The following LUZP2 variants were observed in gnomAD, a reference collection of about 807,000 sequenced individuals.
LUZP2 encodes the protein leucine zipper protein 2.
In LUZP2, 52 loss-of-function variants were observed where a neutral mutation model predicts 51.6. That is an observed-to-expected ratio of 1.01 (90% CI 0.81 to 1.27). The LOEUF (loss-of-function observed/expected upper bound fraction) is 1.27, where lower values mean the gene tolerates loss of function less well. Ranked by LOEUF, LUZP2 falls within the 50% of genes most tolerant of loss-of-function variation. LUZP2 has a pLI of 0.00. For synonymous variants in LUZP2, 154 were observed against 137.3 expected (o/e 1.12, Z -0.85); for missense variants, 436 against 395.4 (o/e 1.10, Z -0.87).
chr11:24,502,006 T>C (rs1850008843), intron 1 of LUZP2, among the ~76,000 whole-genome samples: 1 of 152,116 alleles, frequency 6.6e-6, no homozygotes, highest in South Asian at 2.1e-4. Context: ...AAACTTCTTA[T>C]CCTCTCTATC....
intron 5 of LUZP2, among the ~76,000 whole-genome samples, chr11:24,897,210 C>T (rs77952328): frequency 1.3e-5 from 2 of 152,086 alleles, no homozygotes; most frequent in Non-Finnish European, 2.9e-5. Context: ...GACCAATCAG[C>T]ACTCCGTAAA....
chr11:24,546,157 C>A (rs1454095661), intron 1 of LUZP2, among the ~76,000 whole-genome samples: 1 of 152,020 alleles, frequency 6.6e-6, no homozygotes, highest in Non-Finnish European at 1.5e-5. Context: ...TTTGAAGTTG[C>A]TTATCAGCTT....
chr11:24,837,546 A>G (rs1438684144), intron 5 of LUZP2, among the ~76,000 whole-genome samples: 1 of 151,804 alleles, frequency 6.6e-6, no homozygotes, highest in African/African-American at 2.4e-5. Flanking sequence ...CATTTTTAAA[A>G]TAACTTGTGG....
At chr11:24,988,373 G>A (rs568269519) in intron 9 of LUZP2, among the ~76,000 whole-genome samples, 4 of 152,116 alleles carry the variant, frequency 2.6e-5, no homozygotes, top group African/African-American at 9.6e-5. Context: ...TGGGAAACAA[G>A]AGAGTCTATG....
chr11:25,016,070 G>A (rs10767299), intron 9 of LUZP2, among the ~76,000 whole-genome samples: 57,460 of 151,232 alleles, frequency 0.38, 13,252 homozygotes, highest in East Asian at 0.77. Context: ...ACAGGCGCTC[G>A]CCACCACGCC....
intron 5 of LUZP2, among the ~76,000 whole-genome samples, chr11:24,808,594 T>C (rs1849921670): frequency 6.6e-6 from 1 of 152,166 alleles, no homozygotes. Flanking sequence ...AAATTTCTTA[T>C]ATAAAATTAT....
At position 24,993,923 on chromosome 11, in the gene LUZP2, C is replaced by G. The variant is rs186690884; in HGVS notation, c.765+10630C>G. On this transcript the variant is annotated intron_variant, in intron 9 of 11. Coordinates refer to ENST00000336930, the MANE Select transcript of LUZP2 (RefSeq NM_001009909.4). ...TTGCCCAGGCTGGAGTGCAGTGGTG[C>G]AAACTTGGCTCACTGCAGCCTCCGC... Among the ~76,000 whole-genome samples, 74 of 152,172 alleles carry G rather than the reference C, an allele frequency of 4.9e-4. 2 individuals are homozygous for G. In the East Asian group the frequency reaches 0.014, roughly 28 times the overall value.
chr11:24,897,969 G>A (rs529403812), intron 5 of LUZP2, among the ~76,000 whole-genome samples: 4 of 152,036 alleles, frequency 2.6e-5, no homozygotes, highest in African/African-American at 4.8e-5. Context: ...AAATACATTG[G>A]CAGTTGAAAT....
At chr11:24,676,961 C>T (rs1856577113) in intron 1 of LUZP2, among the ~76,000 whole-genome samples, 2 of 152,170 alleles carry the variant, frequency 1.3e-5, no homozygotes, top group Non-Finnish European at 2.9e-5. Flanking sequence ...GCCACCATGT[C>T]CGGCCAAGCC....
intron 5 of LUZP2, among the ~76,000 whole-genome samples, chr11:24,850,984 G>A (rs1435194102): frequency 6.6e-6 from 1 of 152,202 alleles, no homozygotes; most frequent in Non-Finnish European, 1.5e-5. Flanking sequence ...CTTTGCTGAA[G>A]TTGCTTATCA....
chr11:25,031,815 A>G (rs1224460075), intron 9 of LUZP2, among the ~76,000 whole-genome samples: 1 of 152,152 alleles, frequency 6.6e-6, no homozygotes, highest in Non-Finnish European at 1.5e-5. Flanking sequence ...AATTTTTTAA[A>G]TCCCTTATTA....
At chr11:25,006,977 CATTTTACAGAGTGCTGATTGGTCT>C (rs1366960569) in intron 9 of LUZP2, among the ~76,000 whole-genome samples, 3 of 152,230 alleles carry the variant, frequency 2.0e-5, no homozygotes, top group Admixed American at 6.5e-5. Flanking sequence ...CTGATTGGTC[CATTTTACAGAGTGCTGATTGGTCT>C]ATTTTACAGA....
chr11:24,557,695 G>A (rs1851913049), intron 1 of LUZP2, among the ~76,000 whole-genome samples: 1 of 152,072 alleles, frequency 6.6e-6, no homozygotes, highest in Non-Finnish European at 1.5e-5. Context: ...TCATGTCTAT[G>A]TCTAAGTTAC....
chr11:24,633,025 A>G (rs1454236318), intron 1 of LUZP2, among the ~76,000 whole-genome samples: 1 of 152,054 alleles, frequency 6.6e-6, no homozygotes, highest in Non-Finnish European at 1.5e-5. Context: ...GATAGGATAT[A>G]GAAAGGAAAT....
chr11:24,752,802 T>G (rs1228348762), intron 4 of LUZP2, among the ~76,000 whole-genome samples: 2 of 152,032 alleles, frequency 1.3e-5, no homozygotes, highest in Non-Finnish European at 2.9e-5. Context: ...TGGCCAAAGT[T>G]CCAATGTATT....
intron 1 of LUZP2, among the ~76,000 whole-genome samples, chr11:24,565,816 A>G (rs1470440919): frequency 1.3e-5 from 2 of 152,186 alleles, no homozygotes. Flanking sequence ...TTATAACTGA[A>G]AAGCAACAAT....
At chr11:25,034,650 T>C (rs1857793915) in intron 9 of LUZP2, among the ~76,000 whole-genome samples, 1 of 152,172 alleles carries the variant, frequency 6.6e-6, no homozygotes, top group Non-Finnish European at 1.5e-5. Flanking sequence ...GTTAGCCAGT[T>C]ATCCCAGTTC....
intron 7 of LUZP2, among the ~76,000 whole-genome samples, chr11:24,949,476 A>T (rs563819993): frequency 6.6e-6 from 1 of 151,666 alleles, no homozygotes; most frequent in African/African-American, 2.4e-5. Flanking sequence ...AAGAAAATTT[A>T]TAAAACATTT....
Position 24,642,616 on chromosome 11 carries a change from GAC to G in LUZP2, c.63-86549_63-86548del, listed in dbSNP as rs552450543. Among the ~76,000 whole-genome samples the G allele has an allele frequency of 1.5e-4, 23 of 151,956 alleles. No individual in the cohort carries two copies. In the East Asian group the frequency reaches 4.3e-3, roughly 28 times the overall value. ...TTGAATTTAAATAGTTTATTTGGTTGACACAGTGGGGAGTGTCAAAGAAAAAT... is the reference window on the plus strand; with the variant it reads ...TTGAATTTAAATAGTTTATTTGGTTGACAGTGGGGAGTGTCAAAGAAAAAT... On this transcript the variant is annotated intron_variant, in intron 1 of 11. Coordinates refer to ENST00000336930, the MANE Select transcript of LUZP2 (RefSeq NM_001009909.4).
Sources: allele counts gnomAD v4.1 joint callset (sites outside exome capture counted in the v4.1 genomes callset), GRCh38; gene constraint gnomAD v4.1.1; transcripts MANE v1.5; gene names NCBI Gene and HGNC (gene_info 2026-07-23, HGNC 2026-07-21).